Variants in PCP4L1 observed in about 807,000 individuals in gnomAD.
The protein encoded by PCP4L1 is Purkinje cell protein 4 like 1, also known as Purkinje cell protein 4-like protein 1.
PCP4L1 carries 9 observed loss-of-function variants against 9.6 expected under a neutral mutation model. That is an observed-to-expected ratio of 0.94 (90% CI 0.57 to 1.64). The LOEUF (loss-of-function observed/expected upper bound fraction) is 1.64, where lower values mean the gene tolerates loss of function less well. Among genes scored for constraint, PCP4L1 ranks in the 40% most tolerant of loss-of-function variants. PCP4L1 has a pLI of 0.00. For missense variants in PCP4L1, 81 were observed against 80.8 expected, an observed-to-expected ratio of 1.00 and a Z score of -0.01; for synonymous variants, 31 against 28.2, an observed-to-expected ratio of 1.10 and a Z score of -0.31.
At chr1:161,269,269 G>A (rs116355212) in intron 1 of PCP4L1, among the ~76,000 whole-genome samples, 2 of 152,054 alleles carry the variant, frequency 1.3e-5, no homozygotes, top group South Asian at 2.1e-4. Context: ...GGGGGGGTAA[G>A]ACATTACCTG....
intron 1 of PCP4L1, among the ~76,000 whole-genome samples, chr1:161,264,458 A>C (rs1457797122): frequency 6.6e-6 from 1 of 152,148 alleles, no homozygotes; most frequent in Non-Finnish European, 1.5e-5. Flanking sequence ...CAGAAGTTGC[A>C]GTGAGCCGAG....
intron 1 of PCP4L1, among the ~76,000 whole-genome samples, chr1:161,281,642 C>G (rs1285145203): frequency 2.0e-5 from 3 of 149,812 alleles, no homozygotes; most frequent in Non-Finnish European, 3.0e-5. Flanking sequence ...GGGTGGCTGC[C>G]GGGCAGAGAT....
At position 161,258,951 on chromosome 1, in the gene PCP4L1, C is replaced by A. The variant is rs1256006442; in HGVS notation, c.-24C>A. On this transcript the variant is annotated 5_prime_UTR_variant, in exon 1 of 3. Coordinates refer to ENST00000504449, the MANE Select transcript of PCP4L1 (RefSeq NM_001102566.2). ...CGCCTCACCTGTGCGTGCAGCGCCTCGCGCGCCCTGTCCGGCTGCGGAGAT... is the reference window on the plus strand; with the variant it reads ...CGCCTCACCTGTGCGTGCAGCGCCTAGCGCGCCCTGTCCGGCTGCGGAGAT... 6.5e-7 allele frequency: 1 copy of A among 1,534,664 alleles called. No homozygotes were observed. Among genetic ancestry groups the A allele is most frequent in the Admixed American group, 2.0e-5 (1 of 50,944 alleles).
intron 1 of PCP4L1, among the ~76,000 whole-genome samples, chr1:161,268,582 T>G (rs1289329634): frequency 7.2e-6 from 1 of 138,302 alleles, no homozygotes; most frequent in Non-Finnish European, 1.5e-5. Flanking sequence ...AGATGGAGTC[T>G]CGCTCTTGTT....
intron 1 of PCP4L1, among the ~76,000 whole-genome samples, chr1:161,265,167 GCCTC>G (rs1316539532): frequency 3.3e-5 from 5 of 152,152 alleles, no homozygotes; most frequent in African/African-American, 1.2e-4. Flanking sequence ...TGAACAAACA[GCCTC>G]TGGGTATTCA....
intron 1 of PCP4L1, among the ~76,000 whole-genome samples, chr1:161,275,637 C>T (rs543588279): frequency 6.6e-5 from 10 of 151,674 alleles, no homozygotes; most frequent in African/African-American, 2.4e-4. Flanking sequence ...GGGATAATGG[C>T]TAAATCATAG....
In PCP4L1 at chr1:161,271,860, A is replaced by G. The variant is rs552364742; in HGVS notation, c.10-11808A>G. Among the ~76,000 whole-genome samples the G allele has an allele frequency of 3.3e-5, 5 of 151,730 alleles. No individual in the cohort carries two copies. In the East Asian group the frequency reaches 9.7e-4, roughly 30 times the overall value. Reference sequence around the variant, plus strand: ...CACTCTGTCACCCAGGCTGGAGTGCAGTGGCATGATCATAGCTCACTGCAG... The same window carrying G: ...CACTCTGTCACCCAGGCTGGAGTGCGGTGGCATGATCATAGCTCACTGCAG... On this transcript the variant is annotated intron_variant, in intron 1 of 2. Coordinates refer to ENST00000504449, the MANE Select transcript of PCP4L1 (RefSeq NM_001102566.2).
chr1:161,275,141 A>C (rs992657835), intron 1 of PCP4L1, among the ~76,000 whole-genome samples: 1 of 152,110 alleles, frequency 6.6e-6, no homozygotes, highest in Non-Finnish European at 1.5e-5. Context: ...TAGTCCTGAC[A>C]CACATTCCTG....
intron 1 of PCP4L1, 96 bp downstream of exon 1, chr1:161,259,079 C>A: frequency 6.8e-7 from 1 of 1,475,318 alleles, no homozygotes; most frequent in Non-Finnish European, 9.0e-7. Flanking sequence ...CGAGGCAGAC[C>A]GGAGCCGCGA....
At chr1:161,282,048 G>A (rs1669826671) in intron 1 of PCP4L1, among the ~76,000 whole-genome samples, 1 of 152,194 alleles carries the variant, frequency 6.6e-6, no homozygotes, top group Admixed American at 6.5e-5. Context: ...CTGGGAGATG[G>A]AGGTTGTAGC....
chr1:161,281,753 C>G (rs1335120459), intron 1 of PCP4L1, among the ~76,000 whole-genome samples: 1 of 80,828 alleles, frequency 1.2e-5, no homozygotes, highest in Middle Eastern at 0.011. Flanking sequence ...CAGACGGGGT[C>G]ACGGCCGGGC....
At chr1:161,265,732 C>CTT (rs869123262) in intron 1 of PCP4L1, among the ~76,000 whole-genome samples, 398 of 76,680 alleles carry the variant, frequency 5.2e-3, no homozygotes, top group South Asian at 8.5e-3. Flanking sequence ...TCCAAAACCA[C>CTT]TTTTTTTTTT....
intron 1 of PCP4L1, among the ~76,000 whole-genome samples, chr1:161,279,531 A>T (rs979698910): frequency 9.2e-5 from 14 of 152,250 alleles, no homozygotes; most frequent in African/African-American, 3.4e-4. Flanking sequence ...ATTGGATTCT[A>T]TCAGTTTCTC....
At chr1:161,283,786 G>C in intron 2 of PCP4L1, 64 bp downstream of exon 2, 4 of 1,481,336 alleles carry the variant, frequency 2.7e-6, no homozygotes, top group South Asian at 1.2e-5. Flanking sequence ...AGACAAGTAG[G>C]GTGAGTCTGG....
intron 1 of PCP4L1, among the ~76,000 whole-genome samples, chr1:161,275,794 C>CTTT (rs1191740761): frequency 7.5e-6 from 1 of 134,178 alleles, no homozygotes; most frequent in Admixed American, 7.5e-5. Flanking sequence ...CTAGGTCATA[C>CTTT]TTTTTTTTTT....
In PCP4L1 at chr1:161,284,358, G is replaced by A. The variant is rs1558147797; in HGVS notation, c.84G>A (p.Lys28=). ...CTGCAGGAAAAGCTGGCAATGTCAA[G>A]AAGGCGGAGGAGGAGGAGGAGATTG... The part of the protein sequence containing the change: ...QEEKGKAGNV[K]KAEEEEEIDI... Residue 28 remains lysine (K), a synonymous_variant, in exon 3 of 3, where the codon AAG becomes AAA. Transcript: ENST00000504449. 1.2e-6 allele frequency: 2 copies of A among 1,614,022 alleles called. No homozygotes were observed.
chr1:161,276,739 A>G (rs1024434724), intron 1 of PCP4L1, among the ~76,000 whole-genome samples: 76 of 124,618 alleles, frequency 6.1e-4, no homozygotes, highest in Non-Finnish European at 9.4e-4. Context: ...GTGTGTGTGT[A>G]TATATGTGTA....
At chr1:161,268,609 G>A (rs368041246) in intron 1 of PCP4L1, among the ~76,000 whole-genome samples, 4 of 129,592 alleles carry the variant, frequency 3.1e-5, no homozygotes, top group African/African-American at 1.2e-4. Context: ...GAGTGCAATG[G>A]CACGATCTCA....
At chr1:161,274,192 G>C (rs916157597) in intron 1 of PCP4L1, among the ~76,000 whole-genome samples, 1 of 152,210 alleles carries the variant, frequency 6.6e-6, no homozygotes, top group Non-Finnish European at 1.5e-5. Context: ...GTAAAGCGAG[G>C]TGACATTCTG....
Sources: allele counts gnomAD v4.1 joint callset (sites outside exome capture counted in the v4.1 genomes callset), GRCh38; gene constraint gnomAD v4.1.1; transcripts MANE v1.5; gene names NCBI Gene and HGNC (gene_info 2026-07-23, HGNC 2026-07-21).